SLC25A48: variants seen among roughly 807,000 people sequenced by gnomAD.
SLC25A48 encodes the protein solute carrier family 25 member 48.
Under a neutral mutation model 32.2 loss-of-function variants are expected in SLC25A48, and 29 were observed. The observed-to-expected ratio is 0.90, with a 90% CI of 0.67 to 1.23. The LOEUF (loss-of-function observed/expected upper bound fraction) is 1.23, where lower values mean the gene tolerates loss of function less well. Ranked by LOEUF, SLC25A48 falls within the 50% of genes most tolerant of loss-of-function variation. SLC25A48 has a pLI of 0.00. For missense variants in SLC25A48, 399 were observed against 422.7 expected (o/e 0.94, Z 0.49); for synonymous variants, 164 against 172.3 (o/e 0.95, Z 0.38).
intron 3 of SLC25A48, among the ~76,000 whole-genome samples, chr5:135,745,538 G>T (rs1755618475): frequency 6.6e-6 from 1 of 151,930 alleles, no homozygotes. Flanking sequence ...ATTCCCTCTG[G>T]AAAAAAGGCC....
At position 135,684,916 on chromosome 5, in the gene SLC25A48, A is replaced by G. The variant is rs562390235; in HGVS notation, c.-521+49960A>G. Among the ~76,000 whole-genome samples the G allele has an allele frequency of 4.3e-4, 66 of 152,236 alleles. 1 individual carries two copies. Among genetic ancestry groups the G allele is most frequent in the African/African-American group, 1.5e-3 (62 of 41,514 alleles). ...CTGCAGTGTAGATTTATCTCTTCATAGACATGCAAGTAGTCAACTTACAGG... is the reference window on the plus strand; with the variant it reads ...CTGCAGTGTAGATTTATCTCTTCATGGACATGCAAGTAGTCAACTTACAGG... On this transcript the variant is annotated intron_variant, in intron 3 of 10. Coordinates refer to the SLC25A48 transcript ENST00000646290.
intron 3 of SLC25A48, among the ~76,000 whole-genome samples, chr5:135,635,455 C>CCA (rs958582637): frequency 3.3e-4 from 50 of 152,344 alleles, no homozygotes; most frequent in African/African-American, 1.2e-3. Flanking sequence ...AGGCATGGGA[C>CCA]CTCTGTCTCC....
At chr5:135,604,089 C>A (rs538314014) in intron 1 of SLC25A48, among the ~76,000 whole-genome samples, 1 of 152,186 alleles carries the variant, frequency 6.6e-6, no homozygotes, top group South Asian at 2.1e-4. Context: ...AGTAACTCTG[C>A]GTGGTGGGTT....
intron 3 of SLC25A48, among the ~76,000 whole-genome samples, chr5:135,758,051 TATG>T (rs1454859138): frequency 6.6e-6 from 1 of 150,628 alleles, no homozygotes; most frequent in Non-Finnish European, 1.5e-5. Flanking sequence ...ATATCATCTC[TATG>T]ATATTTATAA....
intron 4 of SLC25A48, chr5:135,826,975 GGT>G (rs1441891378): frequency 6.6e-6 from 1 of 152,336 alleles, no homozygotes; most frequent in Non-Finnish European, 1.5e-5. Context: ...AGGTAAGGAT[GGT>G]GACTCTGCAT....
chr5:135,781,688 C>T (rs1756719982), intron 3 of SLC25A48, among the ~76,000 whole-genome samples: 1 of 116,078 alleles, frequency 8.6e-6, no homozygotes, highest in Admixed American at 8.9e-5. Flanking sequence ...TTCCTAATAG[C>T]CAGGGGAAAA....
At chr5:135,862,426 G>C (rs1760871509) in intron 4 of SLC25A48, among the ~76,000 whole-genome samples, 1 of 152,056 alleles carries the variant, frequency 6.6e-6, no homozygotes, top group African/African-American at 2.4e-5. Context: ...GAGGCAAGGA[G>C]ATGAGTGTTT....
chr5:135,840,044 C>T (rs1758860229), intron 1 of SLC25A48, among the ~76,000 whole-genome samples: 5 of 152,188 alleles, frequency 3.3e-5, no homozygotes, highest in Admixed American at 2.6e-4. Context: ...ATACAAAGGG[C>T]TTCTTAATCT....
chr5:135,825,460 A>T (rs77516284), intron 4 of SLC25A48, among the ~76,000 whole-genome samples: 1 of 151,726 alleles, frequency 6.6e-6, no homozygotes, highest in Non-Finnish European at 1.5e-5. Context: ...TCCCAGACAC[A>T]CCCCTCCCAG....
chr5:135,593,141 A>G (rs1381015313), intron 1 of SLC25A48, among the ~76,000 whole-genome samples: 1 of 151,992 alleles, frequency 6.6e-6, no homozygotes, highest in Non-Finnish European at 1.5e-5. Flanking sequence ...TCAAGGTTGT[A>G]TTGCATTGTT....
chr5:135,807,325 A>G (rs1277743399), intron 3 of SLC25A48, among the ~76,000 whole-genome samples: 1 of 126,996 alleles, frequency 7.9e-6, no homozygotes, highest in East Asian at 2.7e-4. Flanking sequence ...ATAGCATGTT[A>G]TCACTAGATA....
chr5:135,674,882 G>A (rs1753732547), intron 3 of SLC25A48, among the ~76,000 whole-genome samples: 1 of 149,246 alleles, frequency 6.7e-6, no homozygotes, highest in Admixed American at 6.7e-5. Context: ...GGGATTGCTG[G>A]ATCTTATGGT....
intron 2 of SLC25A48, among the ~76,000 whole-genome samples, chr5:135,843,518 A>C (rs1207690050): frequency 6.6e-6 from 1 of 152,184 alleles, no homozygotes; most frequent in Non-Finnish European, 1.5e-5. Context: ...CAGATGCACA[A>C]ATCAGTTATG....
intron 4 of SLC25A48, among the ~76,000 whole-genome samples, chr5:135,818,946 T>C (rs1385749338): frequency 6.6e-6 from 1 of 151,970 alleles, no homozygotes; most frequent in South Asian, 2.1e-4. Context: ...AAATTTTCAC[T>C]GAATGATTTC....
intron 3 of SLC25A48, among the ~76,000 whole-genome samples, chr5:135,733,868 A>G (rs1755290020): frequency 6.6e-6 from 1 of 152,060 alleles, no homozygotes; most frequent in African/African-American, 2.4e-5. Context: ...CTAGGACAGA[A>G]TGGGTTGTGG....
chr5:135,702,067 C>G (rs1281603852), intron 3 of SLC25A48, among the ~76,000 whole-genome samples: 1 of 152,204 alleles, frequency 6.6e-6, no homozygotes, highest in Non-Finnish European at 1.5e-5. Context: ...TGCTGGAAAT[C>G]ATAGCAATTG....
chr5:135,652,327 T>C (rs1753135396), intron 3 of SLC25A48: 2 of 454,282 alleles, frequency 4.4e-6, no homozygotes, highest in South Asian at 3.1e-5. Flanking sequence ...ACCATGAGAA[T>C]AGATATGTAT....
In SLC25A48 at chr5:135,852,830, C is replaced by T; in HGVS notation, c.421+9C>T. The stretch of plus-strand genomic sequence containing the variant: ...ACAACCGTTTCGGGACGGTAAGAGG[C>T]CAGGGGAGCGGAGGCTGGTGTCTGG... On this transcript the variant is annotated intron_variant, in intron 4 of 7. Coordinates refer to ENST00000681962, the MANE Select transcript of SLC25A48 (RefSeq NM_001349336.2). 2 of 1,596,254 alleles carry T rather than the reference C, an allele frequency of 1.3e-6. No individual in the cohort carries two copies. Among genetic ancestry groups the T allele is most frequent in the Non-Finnish European group, 8.6e-7 (1 of 1,165,616 alleles).
chr5:135,673,925 T>C (rs955651971), intron 3 of SLC25A48, among the ~76,000 whole-genome samples: 69 of 150,824 alleles, frequency 4.6e-4, no homozygotes, highest in Non-Finnish European at 9.0e-4. Flanking sequence ...GGCTTTTTTT[T>C]CCCCCCCATG....
Sources: gnomAD v4.1 joint callset for allele counts (sites outside exome capture counted in the v4.1 genomes callset) on GRCh38, gnomAD v4.1.1 for gene constraint, MANE v1.5 for transcripts, NCBI Gene and HGNC (gene_info 2026-07-23, HGNC 2026-07-21) for gene names.